Variants in SMARCC2 observed in about 807,000 individuals in gnomAD.
SMARCC2 encodes SWI/SNF related BAF chromatin remodeling complex subunit C2.
In SMARCC2, 15 loss-of-function variants were observed where a neutral mutation model predicts 151.3. That is an observed-to-expected ratio of 0.10 (90% confidence interval 0.07 to 0.15). SMARCC2 has a LOEUF of 0.15. Ranked by LOEUF, SMARCC2 falls within the 10% of genes least tolerant of loss-of-function variation. The pLI is 1.00. For missense variants in SMARCC2, 1,031 were observed against 1,599.7 expected, an observed-to-expected ratio of 0.64 and a Z score of 6.06; for synonymous variants, 590 against 609.5, an observed-to-expected ratio of 0.97 and a Z score of 0.47.
intron 12 of SMARCC2, 61 bp downstream of exon 12, chr12:56,178,936 G>A: frequency 1.3e-6 from 2 of 1,597,456 alleles, no homozygotes; most frequent in Non-Finnish European, 1.7e-6. Context: ...CGAAAAGGGG[G>A]CAGCTGAGCC....
chr12:56,170,060 G>C, intron 23 of SMARCC2, 84 bp downstream of exon 23: 1 of 1,442,470 alleles, frequency 6.9e-7, no homozygotes. Flanking sequence ...ACCAGCCCTT[G>C]CCCACCTAAG....
At chr12:56,187,423 C>A in intron 1 of SMARCC2, 117 bp from the exon 2 acceptor site, 1 of 965,626 alleles carries the variant, frequency 1.0e-6, no homozygotes. Flanking sequence ...TAGTGCCCTT[C>A]TCCCCATTTA....
chr12:56,186,236 T>C lies in SMARCC2; in HGVS notation c.236A>G (p.Lys79Arg), dbSNP rs761030926. The stretch of plus-strand genomic sequence containing the variant: ...TCCCGCTTTGAAATCTAGGAAACAT[T>C]TGATCTACAAAATCAAGATACGGAA... Reference protein sequence around the residue: ...SNAPLTKLPIKCFLDFKAGGS... With the variant: ...SNAPLTKLPIRCFLDFKAGGS... Residue 79 changes from lysine to arginine, a missense_variant, in exon 3 of 29, where the codon AAA (lysine) becomes AGA (arginine). Transcript: ENST00000550164. The C allele has an allele frequency of 3.9e-5, 62 of 1,602,444 alleles. No individual in the cohort carries two copies. Among genetic ancestry groups the C allele is most frequent in the Non-Finnish European group, 4.9e-5 (57 of 1,169,506 alleles).
In SMARCC2 at chr12:56,165,411, C is replaced by A. The variant is rs1872586171; in HGVS notation, c.3139G>T (p.Ala1047Ser). The change falls in exon 27 of 29, where the codon GCA (alanine) becomes TCA (serine). Residue 1047 changes from alanine (A) to serine (S), a missense_variant. By Grantham distance (99) the Ala-to-Ser change is moderately conservative. This residue lies in a region of SMARCC2 where 310 missense variants were observed against 350.0 expected (regional missense o/e 0.89). Transcript: ENST00000550164. ...TGCTGTGGCCCTGCAGTTGACCCTG[C>A]CTGCCCAATCTGTTCAGAAGGGCCC... is the stretch of plus-strand genomic sequence containing the variant. The part of the protein sequence containing the change: ...SLGPSEQIGQ[A>S]GSTAGPQQQQ... The A allele has an allele frequency of 6.6e-7, 1 of 1,510,566 alleles. No homozygotes were observed. Among genetic ancestry groups the A allele is most frequent in the East Asian group, 2.3e-5 (1 of 42,678 alleles). 93.6% of individuals were successfully genotyped at this position (1,510,566 alleles called of 1,614,324 possible).
chr12:56,178,588 C>T lies in SMARCC2; in HGVS notation c.1180-54G>A, dbSNP rs752188959. On this transcript the variant is annotated intron_variant, in intron 13 of 28. Coordinates refer to ENST00000550164, the MANE Select transcript of SMARCC2 (RefSeq NM_001330288.2). ...AGCATTCCTGCTTCCTCCCTAGCAA[C>T]CCTCTGCTTCTCCCACACCCCAGGA... 5.0e-6 allele frequency: 8 copies of T among 1,612,230 alleles called. No individual in the cohort carries two copies. In the African/African-American group the frequency reaches 9.3e-5, roughly 19 times the overall value.
Position 56,163,618 on chromosome 12 carries a change from G to A in SMARCC2, c.*71C>T, listed in dbSNP as rs1297974794. 1 of 813,260 alleles carries A rather than the reference G, an allele frequency of 1.2e-6. No individual in the cohort carries two copies. Among genetic ancestry groups the A allele is most frequent in the East Asian group, 3.0e-5 (1 of 33,320 alleles). The allele number at this position is 813,260 out of a possible 1,614,324, so 50.4% of individuals were successfully genotyped here. A position where few individuals can be genotyped will look rare whatever the true frequency, so the allele number is the denominator to read the frequency against. On this transcript the variant is annotated 3_prime_UTR_variant, in exon 29 of 29. Transcript: ENST00000550164. ...CTCCAGGCTGGGGAGGGTCCCAGTGGTGGGGGAAGGGCTGTTCCTGGAACC... is the reference window on the plus strand; with the variant it reads ...CTCCAGGCTGGGGAGGGTCCCAGTGATGGGGGAAGGGCTGTTCCTGGAACC...
chr12:56,173,075 C>T, intron 17 of SMARCC2, 46 bp from the exon 18 acceptor site: 1 of 1,585,624 alleles, frequency 6.3e-7, no homozygotes, highest in Middle Eastern at 1.7e-4. Context: ...AGGAAATGAC[C>T]AGGCCAAGGC....
chr12:56,181,702 A>G lies in SMARCC2; in HGVS notation c.840+2T>C. The G allele has an allele frequency of 1.9e-6, 3 of 1,614,166 alleles. No homozygotes were observed. The highest frequency in any genetic ancestry group is 2.5e-6 in the Non-Finnish European group (3 of 1,180,030). On this transcript the variant is annotated splice_donor_variant, in intron 9 of 28. Coordinates refer to ENST00000550164, the MANE Select transcript of SMARCC2 (RefSeq NM_001330288.2). LOFTEE classifies it high-confidence loss of function. ...CAGGAAAAAAAGAACAGGATTTGTC[A>G]CCTCATCTGTCAGTGTCTTGGCTGA... is the stretch of plus-strand genomic sequence containing the variant.
Position 56,172,573 on chromosome 12 carries a change from C to T in SMARCC2, c.1863+12G>A, listed in dbSNP as rs757718500. On this transcript the variant is annotated intron_variant, in intron 19 of 28. Transcript: ENST00000550164. ...ACATTCTCTACCCCTAGAGTCGGCC[C>T]GCACCTCCTACCTTGGAGGGAACAT... 2.6e-5 allele frequency: 42 copies of T among 1,614,034 alleles called. No individual in the cohort carries two copies. The highest frequency in any genetic ancestry group is 3.1e-5 in the Non-Finnish European group (37 of 1,180,050).
chr12:56,187,394 G>C, intron 1 of SMARCC2, 88 bp from the exon 2 acceptor site: 1 of 1,276,802 alleles, frequency 7.8e-7, no homozygotes, highest in Non-Finnish European at 1.1e-6. Flanking sequence ...GGCTCTGGAA[G>C]CATGTGGAGC....
At chr12:56,181,655 C>G (rs1327995813) in intron 9 of SMARCC2, 49 bp downstream of exon 9, 23 of 1,613,716 alleles carry the variant, frequency 1.4e-5, no homozygotes, top group Non-Finnish European at 1.8e-5. Context: ...AAGATTTGTT[C>G]TGAGACTTAT....
Position 56,165,416 on chromosome 12 carries a change from C to T in SMARCC2, c.3134G>A (p.Gly1045Glu). 1 of 1,512,828 alleles carries T rather than the reference C, an allele frequency of 6.6e-7. No homozygotes were observed. Among genetic ancestry groups the T allele is most frequent in the Non-Finnish European group, 8.8e-7 (1 of 1,132,768 alleles). 93.7% of individuals were successfully genotyped at this position (1,512,828 alleles called of 1,614,324 possible). A position where few individuals can be genotyped will look rare whatever the true frequency, so the allele number is the denominator to read the frequency against. Residue 1045 changes from glycine to glutamate, a missense_variant, in exon 27 of 29, where the codon GGG becomes GAG. By Grantham distance (98) the Gly-to-Glu change is moderately conservative. Transcript: ENST00000550164. Reference protein sequence around the residue: ...PGSLGPSEQIGQAGSTAGPQQ... With the variant: ...PGSLGPSEQIEQAGSTAGPQQ... ...TGGCCCTGCAGTTGACCCTGCCTGCCCAATCTGTTCAGAAGGGCCCAAACT... is the reference window on the plus strand; with the variant it reads ...TGGCCCTGCAGTTGACCCTGCCTGCTCAATCTGTTCAGAAGGGCCCAAACT...
intron 25 of SMARCC2, 53 bp downstream of exon 25, chr12:56,169,476 A>G: frequency 1.3e-6 from 2 of 1,567,486 alleles, no homozygotes; most frequent in East Asian, 2.3e-5. Flanking sequence ...AAGTGAGATG[A>G]GATTAGAGAA....
chr12:56,163,632 G>T lies in SMARCC2; in HGVS notation c.*57C>A. On this transcript the variant is annotated 3_prime_UTR_variant, in exon 29 of 29. Coordinates refer to ENST00000550164, the MANE Select transcript of SMARCC2 (RefSeq NM_001330288.2). ...GGGTCCCAGTGGTGGGGGAAGGGCT[G>T]TTCCTGGAACCGTGATGTCCACAGG... is the stretch of plus-strand genomic sequence containing the variant. The T allele has an allele frequency of 9.8e-7, 1 of 1,016,488 alleles. No homozygotes were observed. Among genetic ancestry groups the T allele is most frequent in the East Asian group, 2.9e-5 (1 of 34,290 alleles). The allele number at this position is 1,016,488 out of a possible 1,614,324, so 63.0% of individuals were successfully genotyped here. A position where few individuals can be genotyped will look rare whatever the true frequency, so the allele number is the denominator to read the frequency against.
chr12:56,179,177 A>G (rs1875630760), intron 11 of SMARCC2, 121 bp from the exon 12 acceptor site: 2 of 772,900 alleles, frequency 2.6e-6, no homozygotes, highest in Non-Finnish European at 4.3e-6. Context: ...AAATATAGTA[A>G]TTCTCTCCAG....
chr12:56,168,159 A>C lies in SMARCC2; in HGVS notation c.2751T>G (p.Ser917=). 1 of 1,614,092 alleles carries C rather than the reference A, an allele frequency of 6.2e-7. No homozygotes were observed. The highest frequency in any genetic ancestry group is 8.5e-7 in the Non-Finnish European group (1 of 1,180,024). The change falls in exon 26 of 29, where the codon TCT becomes TCG. Residue 917 remains serine, a synonymous_variant. Coordinates refer to ENST00000550164, the MANE Select transcript of SMARCC2 (RefSeq NM_001330288.2). The part of the protein sequence containing the change: ...LAAVEERKIK[S]LVALLVETQM... The stretch of plus-strand genomic sequence containing the variant: ...GGGTCTCCACCAGCAGGGCCACCAA[A>C]GATTTGATCTTCCTTTCCTCAACAG...
At position 56,172,614 on chromosome 12, in the gene SMARCC2, T is replaced by A; in HGVS notation, c.1834A>T (p.Met612Leu). Residue 612 changes from methionine (M) to leucine (L), a missense_variant, in exon 19 of 29, where the codon ATG becomes TTG. Physicochemically the swap from Met to Leu is conservative, Grantham distance 15. This residue lies in a region of SMARCC2 where 99 missense variants were observed against 148.3 expected (regional missense o/e 0.67). Transcript: ENST00000550164. ...DMQNFGLRTD[M>L]YTKKNVPSKS... is the part of the protein sequence containing the mutation. ...GAGGGAACATTCTTTTTTGTGTACA[T>A]GTCTGTGCGCAGCCCAAAGTTTTGC... is the stretch of plus-strand genomic sequence containing the variant. 3 of 1,614,232 alleles carry A rather than the reference T, an allele frequency of 1.9e-6. No homozygotes were observed. Among genetic ancestry groups the A allele is most frequent in the Non-Finnish European group, 2.5e-6 (3 of 1,180,036 alleles).
intron 16 of SMARCC2, 37 bp downstream of exon 16, chr12:56,174,614 C>T: frequency 7.4e-7 from 1 of 1,350,660 alleles, no homozygotes; most frequent in Non-Finnish European, 1.1e-6. Context: ...AGGCAGGCAT[C>T]CTCATGTACC....
In SMARCC2 at chr12:56,164,607, A is replaced by T. The variant is rs111763819; in HGVS notation, c.3357T>A (p.Pro1119=). The part of the protein sequence containing the change: ...PLGLPFGMPP[P]PPPPAPSIIP... ...TGATGGATGGAGCAGGAGGAGGAGGAGGAGGCGGCATGCCAAAAGGCAAAC... is the reference window on the plus strand; with the variant it reads ...TGATGGATGGAGCAGGAGGAGGAGGTGGAGGCGGCATGCCAAAAGGCAAAC... Residue 1119 remains proline, a synonymous_variant, in exon 28 of 29, where the codon CCT becomes CCA. Transcript: ENST00000550164. 1.9e-6 allele frequency: 3 copies of T among 1,613,796 alleles called. No individual in the cohort carries two copies. The highest frequency in any genetic ancestry group is 1.3e-5 in the African/African-American group (1 of 74,992).
Sources: gnomAD v4.1 joint callset for allele counts on GRCh38, gnomAD v4.1.1 for gene constraint, gnomAD v4.1.1 regional missense constraint, MANE v1.5 for transcripts, NCBI Gene and HGNC (gene_info 2026-07-23, HGNC 2026-07-21) for gene names.